MED13L: variants seen among roughly 807,000 people sequenced by gnomAD.
MED13L encodes mediator complex subunit 13L.
In MED13L, 7 loss-of-function variants were observed where a neutral mutation model predicts 220.9. That is an observed-to-expected ratio of 0.03 (90% CI 0.02 to 0.06). The LOEUF is 0.06. MED13L is among the 10% of genes least tolerant of loss of function. The pLI, the probability that MED13L is intolerant of heterozygous loss-of-function variation, is 1.00. For missense variants in MED13L, 1,965 were observed against 2,760.5 expected, an observed-to-expected ratio of 0.71 and a Z score of 6.46; for synonymous variants, 1,011 against 1,015.2, an observed-to-expected ratio of 1.00 and a Z score of 0.08.
At chr12:116,085,726 T>A (rs1219477133) in intron 4 of MED13L, among the ~76,000 whole-genome samples, 1 of 135,364 alleles carries the variant, frequency 7.4e-6, no homozygotes, top group African/African-American at 2.8e-5. Context: ...ATTCTCATCT[T>A]CTAAATTCAA....
At chr12:115,973,694 G>A (rs971299955) in intron 25 of MED13L, among the ~76,000 whole-genome samples, 3 of 152,108 alleles carry the variant, frequency 2.0e-5, no homozygotes, top group African/African-American at 7.2e-5. Context: ...GACTGGGGAG[G>A]AAGATAGAAA....
chr12:115,978,008 A>T (rs1210883346), intron 23 of MED13L, among the ~76,000 whole-genome samples: 1 of 152,028 alleles, frequency 6.6e-6, no homozygotes, highest in African/African-American at 2.4e-5. Context: ...AAATAAAAAT[A>T]AAAAAATTGG....
intron 2 of MED13L, among the ~76,000 whole-genome samples, chr12:116,220,707 G>A (rs1369358516): frequency 6.6e-6 from 1 of 152,046 alleles, no homozygotes. Flanking sequence ...TCAAAATAAA[G>A]GGGCCATAAA....
rs775477557 is a variant in MED13L, at chr12:116,008,931, G to A, written c.1482C>T (p.Ala494=). The part of the protein sequence containing the change: ...LIPFHHRPSV[A]EELCMEQDTP... The stretch of plus-strand genomic sequence containing the variant: ...TATCTTGCTCCATGCATAATTCTTC[G>A]GCCACAGAGGGCCTATGGTGAAATG... Residue 494 remains alanine, a synonymous_variant, in exon 10 of 31, where the codon GCC becomes GCT. Coordinates refer to ENST00000281928, the MANE Select transcript of MED13L (RefSeq NM_015335.5). 12 of 1,613,924 alleles carry A rather than the reference G, an allele frequency of 7.4e-6. No homozygotes were observed. Among genetic ancestry groups the A allele is most frequent in the South Asian group, 2.2e-5 (2 of 91,082 alleles).
chr12:116,067,697 C>G (rs558096110), intron 4 of MED13L, among the ~76,000 whole-genome samples: 1 of 152,158 alleles, frequency 6.6e-6, no homozygotes, highest in African/African-American at 2.4e-5. Flanking sequence ...TAGAGTCAGA[C>G]CAACTTGGAT....
At chr12:116,222,378 G>A (rs1055813596) in intron 2 of MED13L, among the ~76,000 whole-genome samples, 25 of 152,072 alleles carry the variant, frequency 1.6e-4, no homozygotes, top group African/African-American at 5.6e-4. Context: ...CTCTCCATAG[G>A]CGAAGGATAA....
intron 2 of MED13L, among the ~76,000 whole-genome samples, chr12:116,198,397 C>CT (rs1270140725): frequency 6.6e-6 from 1 of 151,936 alleles, no homozygotes; most frequent in East Asian, 1.9e-4. Flanking sequence ...CTTAGAGTAC[C>CT]TTTTCCTTCC....
At chr12:116,004,534 G>C (rs999494628) in intron 13 of MED13L, among the ~76,000 whole-genome samples, 1 of 151,992 alleles carries the variant, frequency 6.6e-6, no homozygotes, top group Admixed American at 6.6e-5. Context: ...GCCCTCAGAG[G>C]AACACATATT....
chr12:116,061,091 C>A (rs911281991), intron 4 of MED13L, among the ~76,000 whole-genome samples: 1 of 152,176 alleles, frequency 6.6e-6, no homozygotes, highest in Non-Finnish European at 1.5e-5. Context: ...TCTCAGGAAA[C>A]TAACTTAGTA....
At chr12:116,032,897 C>A (rs890434518) in intron 4 of MED13L, among the ~76,000 whole-genome samples, 1 of 150,480 alleles carries the variant, frequency 6.6e-6, no homozygotes, top group Non-Finnish European at 1.5e-5. Context: ...GGAGAGGAGA[C>A]AAGGAGAAAG....
chr12:116,062,980 C>T (rs1028288530), intron 4 of MED13L, among the ~76,000 whole-genome samples: 2 of 152,222 alleles, frequency 1.3e-5, no homozygotes, highest in African/African-American at 4.8e-5. Flanking sequence ...AATACTGGCT[C>T]TTCCTCCTTT....
chr12:116,189,244 G>A (rs967361004), intron 2 of MED13L, among the ~76,000 whole-genome samples: 2 of 146,246 alleles, frequency 1.4e-5, no homozygotes, highest in African/African-American at 4.9e-5. Context: ...AGTTTTAAAT[G>A]GCAATTTTGG....
At chr12:116,023,260 C>T (rs1287895572) in intron 4 of MED13L, among the ~76,000 whole-genome samples, 1 of 152,154 alleles carries the variant, frequency 6.6e-6, no homozygotes, top group Admixed American at 6.5e-5. Flanking sequence ...CAAGCCACTG[C>T]ACTCCACCAT....
At chr12:116,196,093 G>A (rs1881609291) in intron 2 of MED13L, among the ~76,000 whole-genome samples, 1 of 151,704 alleles carries the variant, frequency 6.6e-6, no homozygotes, top group Non-Finnish European at 1.5e-5. Flanking sequence ...CAAGCAAAGA[G>A]GCAATGAGAA....
At position 116,015,870 on chromosome 12, in the gene MED13L, C is replaced by T. The variant is rs931203183; in HGVS notation, c.1010-596G>A. 5.3e-5 allele frequency among the ~76,000 whole-genome samples: 8 copies of T among 152,224 alleles called. No homozygotes were observed. In the South Asian group the frequency reaches 8.3e-4, roughly 16 times the overall value. ...ACTATGTATTTAAAACTTAGTACTACGACACTGAAAGAGGTTGTCTTGACA... is the reference window on the plus strand; with the variant it reads ...ACTATGTATTTAAAACTTAGTACTATGACACTGAAAGAGGTTGTCTTGACA... On this transcript the variant is annotated intron_variant, in intron 7 of 30. Coordinates refer to ENST00000281928, the MANE Select transcript of MED13L (RefSeq NM_015335.5).
intron 29 of MED13L, among the ~76,000 whole-genome samples, chr12:115,964,239 C>G (rs1875979141): frequency 6.6e-6 from 1 of 152,146 alleles, no homozygotes; most frequent in African/African-American, 2.4e-5. Context: ...ACAATGATTC[C>G]TTAATATTAT....
At chr12:116,186,256 T>C (rs1366004742) in intron 2 of MED13L, among the ~76,000 whole-genome samples, 1 of 152,156 alleles carries the variant, frequency 6.6e-6, no homozygotes, top group African/African-American at 2.4e-5. Flanking sequence ...GTTTTCTCTA[T>C]CCTACTTGAC....
chr12:116,241,186 T>G (rs1340933583), intron 1 of MED13L, among the ~76,000 whole-genome samples: 1 of 151,460 alleles, frequency 6.6e-6, no homozygotes, highest in Non-Finnish European at 1.5e-5. Context: ...GCACCTGTAA[T>G]CCCAGCTACT....
intron 4 of MED13L, among the ~76,000 whole-genome samples, chr12:116,064,112 C>T (rs1035568869): frequency 6.6e-6 from 1 of 152,052 alleles, no homozygotes; most frequent in African/African-American, 2.4e-5. Context: ...GTCACTTGAA[C>T]CTTGAGGTTG....
Sources: gnomAD v4.1 joint callset for allele counts (sites outside exome capture counted in the v4.1 genomes callset) on GRCh38, gnomAD v4.1.1 for gene constraint, MANE v1.5 for transcripts, NCBI Gene and HGNC (gene_info 2026-07-23, HGNC 2026-07-21) for gene names.